The following DCC variants were observed in gnomAD, a reference collection of about 807,000 sequenced individuals.
The protein encoded by DCC is DCC netrin 1 receptor.
In DCC, 58 loss-of-function variants were observed where a neutral mutation model predicts 172.5. The ratio of observed to expected loss-of-function variants is 0.34; its 90% CI spans 0.27 to 0.42. The LOEUF (loss-of-function observed/expected upper bound fraction) is 0.42, where lower values mean the gene tolerates loss of function less well. DCC is among the 10% of genes least tolerant of loss of function. DCC has a pLI of 1.00. For synonymous variants in DCC, 709 were observed against 644.5 expected, an observed-to-expected ratio of 1.10 and a Z score of -1.52; for missense variants, 1,740 against 1,791.0, an observed-to-expected ratio of 0.97 and a Z score of 0.51.
intron 18 of DCC, 121 bp from the exon 19 acceptor site, chr18:53,402,665 C>A: frequency 1.2e-6 from 1 of 803,288 alleles, no homozygotes. Flanking sequence ...CTGTAAATGG[C>A]AAAATAGACA....
intron 1 of DCC, among the ~76,000 whole-genome samples, chr18:52,501,693 C>T (rs932000728): frequency 2.0e-5 from 3 of 152,094 alleles, no homozygotes; most frequent in Admixed American, 6.6e-5. Context: ...ATGTCGGTCA[C>T]CTCTGAGGTC....
chr18:53,351,460 CAGTGTG>C (rs2057810104), intron 15 of DCC, among the ~76,000 whole-genome samples: 1 of 21,590 alleles, frequency 4.6e-5, no homozygotes, highest in Admixed American at 5.0e-4. Flanking sequence ...TATATATACA[CAGTGTG>C]TATATATATA....
intron 2 of DCC, among the ~76,000 whole-genome samples, chr18:52,863,633 A>C (rs974652174): frequency 4.0e-5 from 6 of 151,726 alleles, no homozygotes; most frequent in Non-Finnish European, 8.8e-5. Context: ...ATAGTTACCA[A>C]AAAATTTTGA....
At chr18:52,351,661 T>C (rs1315580015) in intron 1 of DCC, among the ~76,000 whole-genome samples, 1 of 152,198 alleles carries the variant, frequency 6.6e-6, no homozygotes, top group East Asian at 1.9e-4. Flanking sequence ...AAAATAGAAT[T>C]GCCATGGACA....
intron 1 of DCC, among the ~76,000 whole-genome samples, chr18:52,611,827 A>G (rs1316575565): frequency 1.3e-5 from 2 of 152,196 alleles, no homozygotes; most frequent in African/African-American, 4.8e-5. Flanking sequence ...ATGGGTACTC[A>G]GAAATGGTAG....
chr18:52,385,918 A>T (rs1313183150), intron 1 of DCC, among the ~76,000 whole-genome samples: 1 of 152,084 alleles, frequency 6.6e-6, no homozygotes, highest in Non-Finnish European at 1.5e-5. Context: ...TTAGTAGAAA[A>T]TAATATTTGT....
intron 15 of DCC, among the ~76,000 whole-genome samples, chr18:53,340,868 G>A (rs113918481): frequency 6.6e-6 from 1 of 152,106 alleles, no homozygotes; most frequent in Non-Finnish European, 1.5e-5. Flanking sequence ...TATTTGCAGT[G>A]TCTCTCACAA....
rs73465085 is a variant in DCC, at chr18:53,325,332, A to C, written c.2164+3175A>C. Among the ~76,000 whole-genome samples the C allele has an allele frequency of 2.1e-3, 319 of 152,258 alleles. 3 individuals carry two copies. Among genetic ancestry groups the C allele is most frequent in the African/African-American group, 7.4e-3 (307 of 41,548 alleles). ...TTCAAGGCAAACAAACGATTCTAAG[A>C]AGTGAGATCACGTTATTTACCCAAA... On this transcript the variant is annotated intron_variant, in intron 14 of 28. Transcript: ENST00000442544.
intron 2 of DCC, among the ~76,000 whole-genome samples, chr18:52,860,361 G>C (rs1002469703): frequency 2.0e-5 from 3 of 152,122 alleles, no homozygotes; most frequent in Admixed American, 1.3e-4. Context: ...TTCAAGAAAA[G>C]CACAGTTTTT....
intron 1 of DCC, among the ~76,000 whole-genome samples, chr18:52,374,402 G>A (rs563234542): frequency 6.6e-6 from 1 of 152,214 alleles, no homozygotes; most frequent in South Asian, 2.1e-4. Context: ...TCCAGAACAA[G>A]TATGTTCAGT....
chr18:52,486,110 G>A (rs200647058), intron 1 of DCC, among the ~76,000 whole-genome samples: 9 of 152,116 alleles, frequency 5.9e-5, no homozygotes, highest in Admixed American at 3.9e-4. Context: ...TTCTCCCACC[G>A]CAGCCTCCTG....
chr18:53,376,164 G>A (rs1283782622), intron 15 of DCC, among the ~76,000 whole-genome samples: 1 of 152,148 alleles, frequency 6.6e-6, no homozygotes, highest in Non-Finnish European at 1.5e-5. Context: ...GGCTGAGGCA[G>A]GCGGATCACT....
intron 5 of DCC, among the ~76,000 whole-genome samples, chr18:52,988,370 A>G (rs777514831): frequency 4.6e-5 from 7 of 152,182 alleles, no homozygotes; most frequent in Non-Finnish European, 5.9e-5. Context: ...AAACATCCAA[A>G]TGATTGACAG....
intron 27 of DCC, among the ~76,000 whole-genome samples, chr18:53,520,013 A>G (rs994354182): frequency 2.6e-5 from 4 of 152,144 alleles, no homozygotes; most frequent in Non-Finnish European, 5.9e-5. Context: ...GCCTCAAGGC[A>G]GTCCATTATC....
chr18:53,157,231 T>C (rs1242740875), intron 7 of DCC, 125 bp from the exon 8 acceptor site: 4 of 1,184,206 alleles, frequency 3.4e-6, no homozygotes, highest in Non-Finnish European at 3.8e-6. Flanking sequence ...TTGGTTTTCT[T>C]CCTTGCTTTA....
chr18:53,302,108 A>G (rs947566662), intron 12 of DCC, among the ~76,000 whole-genome samples: 3 of 152,112 alleles, frequency 2.0e-5, no homozygotes, highest in African/African-American at 4.8e-5. Context: ...TCTTTTAGAG[A>G]CACCAATCAT....
chr18:53,253,413 T>G (rs1455172790), intron 12 of DCC, among the ~76,000 whole-genome samples: 1 of 152,058 alleles, frequency 6.6e-6, no homozygotes, highest in African/African-American at 2.4e-5. Flanking sequence ...CATGATTAAA[T>G]AACTTGTCCA....
intron 15 of DCC, among the ~76,000 whole-genome samples, chr18:53,363,652 A>G (rs1340609575): frequency 1.3e-5 from 2 of 152,066 alleles, no homozygotes; most frequent in South Asian, 2.1e-4. Flanking sequence ...TGCCATTTCT[A>G]TATGTTTTCT....
intron 2 of DCC, among the ~76,000 whole-genome samples, chr18:52,822,137 A>C (rs2145274309): frequency 6.6e-6 from 1 of 152,326 alleles, no homozygotes; most frequent in Non-Finnish European, 1.5e-5. Flanking sequence ...AAGTAAGCAT[A>C]TTCACAGAAG....
Sources: allele counts gnomAD v4.1 joint callset (sites outside exome capture counted in the v4.1 genomes callset), GRCh38; gene constraint gnomAD v4.1.1; transcripts MANE v1.5; gene names NCBI Gene and HGNC (gene_info 2026-07-23, HGNC 2026-07-21).